Variants in CNTNAP3B observed in about 807,000 individuals in gnomAD.
The protein encoded by CNTNAP3B is contactin associated protein family member 3B.
In CNTNAP3B, 25 loss-of-function variants were observed where a neutral mutation model predicts 108.9. The ratio of observed to expected loss-of-function variants is 0.23; its 90% CI spans 0.17 to 0.32. The LOEUF (loss-of-function observed/expected upper bound fraction) is 0.32, where lower values mean the gene tolerates loss of function less well. Ranked by LOEUF, CNTNAP3B falls within the 10% of genes least tolerant of loss-of-function variation. CNTNAP3B has a pLI of 1.00. For synonymous variants in CNTNAP3B, 103 were observed against 473.4 expected (o/e 0.22, Z 10.16); for missense variants, 252 against 1,210.4 (o/e 0.21, Z 11.75).
intron 2 of CNTNAP3B, among the ~76,000 whole-genome samples, chr9:42,080,923 C>G (rs1587256126): frequency 1.7e-5 from 1 of 58,218 alleles, no homozygotes; most frequent in Non-Finnish European, 3.2e-5. Context: ...ATAGTCCCTT[C>G]TAGTCTATGG....
intron 17 of CNTNAP3B, among the ~76,000 whole-genome samples, chr9:41,921,684 C>T (rs905827641): frequency 6.6e-6 from 1 of 152,284 alleles, no homozygotes; most frequent in African/African-American, 2.4e-5. Context: ...AGTAAGTAAG[C>T]AAACTAAAGG....
intron 10 of CNTNAP3B, among the ~76,000 whole-genome samples, chr9:41,967,925 G>T (rs1299671378): frequency 6.6e-6 from 1 of 152,180 alleles, no homozygotes; most frequent in African/African-American, 2.4e-5. Context: ...ACACATTCAT[G>T]CTTAGTTGAG....
In CNTNAP3B at chr9:41,965,313, T is replaced by C. The variant is rs1339670103; in HGVS notation, c.1650-669A>G. On this transcript the variant is annotated intron_variant, in intron 10 of 23. Coordinates refer to ENST00000377561, the MANE Select transcript of CNTNAP3B (RefSeq NM_001201380.3). ...TCAAGGGACCCTGAACCAGCCAATGTTGAAAAAGAACAGTTGGAGGTCTCA... is the reference window on the plus strand; with the variant it reads ...TCAAGGGACCCTGAACCAGCCAATGCTGAAAAAGAACAGTTGGAGGTCTCA... 2.6e-5 allele frequency among the ~76,000 whole-genome samples: 4 copies of C among 152,264 alleles called. No individual in the cohort carries two copies. The South Asian group carries it at 6.2e-4, about 24-fold the overall frequency.
chr9:41,926,015 C>T (rs1207227955), intron 15 of CNTNAP3B, among the ~76,000 whole-genome samples: 1 of 98,116 alleles, frequency 1.0e-5, no homozygotes, highest in Non-Finnish European at 2.7e-5. Context: ...GTATTTGTAT[C>T]TCTCTCTCTC....
chr9:41,990,407 C>A (rs561948650), intron 8 of CNTNAP3B, among the ~76,000 whole-genome samples: 2 of 130,732 alleles, frequency 1.5e-5, no homozygotes, highest in South Asian at 5.1e-4. Context: ...TTTATCTCCC[C>A]TGAAACACCT....
intron 12 of CNTNAP3B, among the ~76,000 whole-genome samples, chr9:41,955,224 G>A (rs1824818439): frequency 6.7e-6 from 1 of 148,964 alleles, no homozygotes; most frequent in South Asian, 2.2e-4. Context: ...TAGATTTGCA[G>A]TCACCCATGG....
At chr9:42,035,938 T>A (rs1395994893) in intron 3 of CNTNAP3B, among the ~76,000 whole-genome samples, 1 of 140,732 alleles carries the variant, frequency 7.1e-6, no homozygotes, top group Non-Finnish European at 1.5e-5. Flanking sequence ...TGAAACCACA[T>A]CTCTACTAAA....
intron 3 of CNTNAP3B, among the ~76,000 whole-genome samples, chr9:42,036,198 A>T (rs920260227): frequency 1.4e-5 from 2 of 147,964 alleles, no homozygotes; most frequent in African/African-American, 2.6e-5. Flanking sequence ...AGCAATCCTA[A>T]CAGCCTATGT....
At chr9:42,076,235 C>A (rs1396821564) in intron 3 of CNTNAP3B, among the ~76,000 whole-genome samples, 2 of 69,312 alleles carry the variant, frequency 2.9e-5, no homozygotes. Flanking sequence ...GCCAAAATGG[C>A]GAAACCCTGT....
chr9:42,123,195 G>C (rs1406413064), intron 1 of CNTNAP3B, among the ~76,000 whole-genome samples: 2 of 104,748 alleles, frequency 1.9e-5, no homozygotes, highest in Non-Finnish European at 3.9e-5. Context: ...TTGAGACAAT[G>C]TTTCTTTTAA....
At chr9:41,930,492 A>T (rs1225665645) in intron 14 of CNTNAP3B, among the ~76,000 whole-genome samples, 1 of 152,198 alleles carries the variant, frequency 6.6e-6, no homozygotes, top group Non-Finnish European at 1.5e-5. Flanking sequence ...GTAGTGAGCC[A>T]TGTGTGCAAC....
chr9:41,939,842 C>G (rs1824280130), intron 13 of CNTNAP3B, among the ~76,000 whole-genome samples: 1 of 152,154 alleles, frequency 6.6e-6, no homozygotes, highest in African/African-American at 2.4e-5. Flanking sequence ...ATCTTGTAGA[C>G]TTGTCTATCC....
intron 8 of CNTNAP3B, among the ~76,000 whole-genome samples, chr9:41,987,359 G>A (rs1825726296): frequency 2.5e-5 from 1 of 39,732 alleles, no homozygotes; most frequent in South Asian, 7.5e-4. Context: ...CACTTCGGAG[G>A]CTGAGGCACA....
chr9:41,944,450 TAA>T (rs1331724073), intron 13 of CNTNAP3B, among the ~76,000 whole-genome samples: 6 of 152,222 alleles, frequency 3.9e-5, no homozygotes, highest in African/African-American at 1.4e-4. Context: ...CCAGCACCAT[TAA>T]TGAAGTGGAA....
intron 17 of CNTNAP3B, among the ~76,000 whole-genome samples, chr9:41,922,476 T>C (rs112235786): frequency 0.016 from 2,125 of 136,930 alleles, 363 homozygotes; most frequent in African/African-American, 0.061. Context: ...AAAACAAAAA[T>C]AAAAACAAAA....
At chr9:41,973,637 G>A (rs1173559646) in intron 9 of CNTNAP3B, among the ~76,000 whole-genome samples, 2 of 133,958 alleles carry the variant, frequency 1.5e-5, no homozygotes, top group Non-Finnish European at 3.2e-5. Context: ...ATTCCATAAA[G>A]GTAAGTTTAA....
intron 3 of CNTNAP3B, among the ~76,000 whole-genome samples, chr9:42,036,166 A>G (rs916964403): frequency 6.7e-6 from 1 of 149,042 alleles, no homozygotes; most frequent in Non-Finnish European, 1.5e-5. Flanking sequence ...TTGGTTTCTA[A>G]AAGCATGGGA....
At chr9:42,088,663 G>T (rs1374779723) in intron 2 of CNTNAP3B, among the ~76,000 whole-genome samples, 1 of 137,962 alleles carries the variant, frequency 7.2e-6, no homozygotes, top group Non-Finnish European at 1.5e-5. Flanking sequence ...ATTGTCATAT[G>T]CTACAAATCT....
chr9:41,926,375 G>C (rs1360218594), intron 15 of CNTNAP3B, among the ~76,000 whole-genome samples: 1 of 152,414 alleles, frequency 6.6e-6, no homozygotes, highest in African/African-American at 2.4e-5. Flanking sequence ...CAGAGATGAA[G>C]ATAAGGAAAG....
Sources: allele counts gnomAD v4.1 joint callset (sites outside exome capture counted in the v4.1 genomes callset), GRCh38; gene constraint gnomAD v4.1.1; transcripts MANE v1.5; gene names NCBI Gene and HGNC (gene_info 2026-07-23, HGNC 2026-07-21).